Variants in ATP5IF1 observed in about 807,000 individuals in gnomAD.
ATP5IF1 encodes the protein ATP synthase inhibitory factor subunit 1, also known as ATPase inhibitor, mitochondrial.
In ATP5IF1, 12 loss-of-function variants were observed where a neutral mutation model predicts 8.5. The ratio of observed to expected loss-of-function variants is 1.41; its 90% CI spans 0.90 to 2.28. The LOEUF (loss-of-function observed/expected upper bound fraction) is 2.28. ATP5IF1 is among the 30% of genes most tolerant of loss of function. The pLI, the probability that ATP5IF1 is intolerant of heterozygous loss-of-function variation, is 0.00. For missense variants in ATP5IF1, 154 were observed against 140.2 expected (o/e 1.10, Z -0.50); for synonymous variants, 51 against 53.4 (o/e 0.96, Z 0.19).
chr1:28,236,278 G>GC lies in ATP5IF1; in HGVS notation c.87+9dup. ...GGCTTCGGCTCGGATCAGGTACGCT[G>GC]CGGCAGTGTCCGCTGCTCCAGCCCC... On this transcript the variant is annotated intron_variant, in intron 1 of 2. Coordinates refer to ENST00000335514, the MANE Select transcript of ATP5IF1 (RefSeq NM_016311.5). 15 of 1,614,160 alleles carry GC rather than the reference G, an allele frequency of 9.3e-6. No individual in the cohort carries two copies. The highest frequency in any genetic ancestry group is 1.1e-5 in the Non-Finnish European group (13 of 1,180,026).
Position 28,236,593 on chromosome 1 carries a change from A to G in ATP5IF1, c.179+141A>G, listed in dbSNP as rs1039986379. ...CAGAACTCCCGGGCCCCAATCCAGT[A>G]TACCCTAACCCTTGATGTCCCGACC... On this transcript the variant is annotated intron_variant, in intron 2 of 2. Transcript: ENST00000335514. 5.8e-6 allele frequency: 9 copies of G among 1,540,692 alleles called. No homozygotes were observed. In the African/African-American group the frequency reaches 1.2e-4, roughly 21 times the overall value.
At position 28,236,150 on chromosome 1, in the gene ATP5IF1, C is replaced by A. The variant is rs1186364241; in HGVS notation, c.-34C>A. ...GCGCGTAACGAGAGACTGCTTGCTG[C>A]GGCAGAGACGCCAGAGGTGCAGCTC... On this transcript the variant is annotated 5_prime_UTR_variant, in exon 1 of 3. Transcript: ENST00000335514. The A allele has an allele frequency of 2.5e-6, 4 of 1,607,738 alleles. No homozygotes were observed. The highest frequency in any genetic ancestry group is 3.4e-6 in the Non-Finnish European group (4 of 1,179,378).
chr1:28,237,540 T>G, intron 2 of ATP5IF1: 2 of 1,363,486 alleles, frequency 1.5e-6, no homozygotes, highest in South Asian at 1.9e-5. Context: ...TAAAGGGGAG[T>G]CAAGTTCCCT....
In ATP5IF1 at chr1:28,236,219, T is replaced by TGGCGTGTGG. The variant is rs768978902; in HGVS notation, c.43_51dup (p.Trp15_Val17dup). 3.1e-6 allele frequency: 5 copies of TGGCGTGTGG among 1,613,874 alleles called. No individual in the cohort carries two copies. The highest frequency in any genetic ancestry group is 1.1e-5 in the South Asian group (1 of 91,080). On this transcript the variant is annotated inframe_insertion, in exon 1 of 3. Coordinates refer to ENST00000335514, the MANE Select transcript of ATP5IF1 (RefSeq NM_016311.5). ...CGGCGTTGGCGGCGCGGACGTGGCT[T>TGGCGTGTGG]GGCGTGTGGGGCGTGAGGACCATGC...
In ATP5IF1 at chr1:28,236,272, T is replaced by C; in HGVS notation, c.87+2T>C. On this transcript the variant is annotated splice_donor_variant, in intron 1 of 2. Coordinates refer to ENST00000335514, the MANE Select transcript of ATP5IF1 (RefSeq NM_016311.5). LOFTEE classifies it high-confidence loss of function. ...GCCCGAGGCTTCGGCTCGGATCAGG[T>C]ACGCTGCGGCAGTGTCCGCTGCTCC... 1 of 1,614,100 alleles carries C rather than the reference T, an allele frequency of 6.2e-7. No homozygotes were observed. Among genetic ancestry groups the C allele is most frequent in the Non-Finnish European group, 8.5e-7 (1 of 1,180,018 alleles).
intron 2 of ATP5IF1, 173 bp downstream of exon 2, chr1:28,236,625 A>T: frequency 3.3e-6 from 5 of 1,523,722 alleles, no homozygotes; most frequent in Non-Finnish European, 4.4e-6. Context: ...GACCGTTGCC[A>T]CGTATAGGGC....
chr1:28,238,096 G>A lies in ATP5IF1; in HGVS notation c.*118G>A. 1 of 1,095,134 alleles carries A rather than the reference G, an allele frequency of 9.1e-7. No individual in the cohort carries two copies. Among genetic ancestry groups the A allele is most frequent in the East Asian group, 2.5e-5 (1 of 39,670 alleles). The allele number at this position is 1,095,134 out of a possible 1,614,324, so 67.8% of individuals were successfully genotyped here. ...AACAGATTATAATAAATTGTCATCA[G>A]TGAACTGTGTTTGATGCCTTCTTCT... On this transcript the variant is annotated 3_prime_UTR_variant, in exon 3 of 3. Transcript: ENST00000335514.
At chr1:28,237,530 T>C (rs1647049265) in intron 2 of ATP5IF1, 1 of 1,369,870 alleles carries the variant, frequency 7.3e-7, no homozygotes, top group Non-Finnish European at 9.4e-7. Context: ...TTTTTTTCCC[T>C]AAAGGGGAGT....
At position 28,237,890 on chromosome 1, in the gene ATP5IF1, T is replaced by G; in HGVS notation, c.233T>G (p.Ile78Ser). Residue 78 changes from isoleucine (I) to serine (S), a missense_variant, in exon 3 of 3, where the codon ATC becomes AGC. Coordinates refer to ENST00000335514, the MANE Select transcript of ATP5IF1 (RefSeq NM_016311.5). The stretch of plus-strand genomic sequence containing the variant: ...TTGAAAAAACACCATGAAGAAGAAA[T>G]CGTTCATCATAAGAAGGAGATTGAG... ...AALKKHHEEE[I>S]VHHKKEIERL... The G allele has an allele frequency of 2.5e-6, 4 of 1,613,888 alleles. No individual in the cohort carries two copies. Among genetic ancestry groups the G allele is most frequent in the Non-Finnish European group, 3.4e-6 (4 of 1,179,984 alleles).
intron 2 of ATP5IF1, chr1:28,236,895 G>C: frequency 8.9e-7 from 1 of 1,121,690 alleles, no homozygotes; most frequent in Non-Finnish European, 1.1e-6. Flanking sequence ...GCACGCCTTA[G>C]CTTTGCAAGC....
At chr1:28,236,974 T>C in intron 2 of ATP5IF1, 1 of 1,046,024 alleles carries the variant, frequency 9.6e-7, no homozygotes, top group Non-Finnish European at 1.2e-6. Flanking sequence ...TGATGGGAGC[T>C]GGTCATGGGA....
chr1:28,236,187 G>T lies in ATP5IF1; in HGVS notation c.4G>T (p.Ala2Ser). ...CAGAGGTGCAGCTCCAGCAGCAATG[G>T]CAGTGACGGCGTTGGCGGCGCGGAC... is the stretch of plus-strand genomic sequence containing the variant. The part of the protein sequence containing the change: M[A>S]VTALAARTWL... The change falls in exon 1 of 3, where the codon GCA becomes TCA. Residue 2 changes from alanine (A) to serine (S), a missense_variant. Transcript: ENST00000335514. 6.2e-7 allele frequency: 1 copy of T among 1,613,204 alleles called. No individual in the cohort carries two copies.
chr1:28,236,792 T>A, intron 2 of ATP5IF1: 1 of 1,230,278 alleles, frequency 8.1e-7, no homozygotes, highest in South Asian at 1.6e-5. Flanking sequence ...CTTCGCACAG[T>A]GTCTAGATCC....
chr1:28,237,900 TAAG>T lies in ATP5IF1; in HGVS notation c.247_249del (p.Lys83del), dbSNP rs746429737. The stretch of plus-strand genomic sequence containing the variant: ...ACCATGAAGAAGAAATCGTTCATCA[TAAG>T]AAGGAGATTGAGCGTCTGCAGAAAG... On this transcript the variant is annotated inframe_deletion, in exon 3 of 3. Transcript: ENST00000335514. 308 of 1,614,106 alleles carry T rather than the reference TAAG, an allele frequency of 1.9e-4. No homozygotes were observed. The highest frequency in any genetic ancestry group is 2.3e-4 in the Non-Finnish European group (273 of 1,180,030).
At position 28,238,089 on chromosome 1, in the gene ATP5IF1, G is replaced by C. The variant is rs1572079099; in HGVS notation, c.*111G>C. 5.3e-6 allele frequency: 6 copies of C among 1,141,852 alleles called. No individual in the cohort carries two copies. Among genetic ancestry groups the C allele is most frequent in the Non-Finnish European group, 7.3e-6 (6 of 816,916 alleles). 70.7% of individuals were successfully genotyped at this position (1,141,852 alleles called of 1,614,324 possible). A position where few individuals can be genotyped will look rare whatever the true frequency, so the allele number is the denominator to read the frequency against. ...TGCTACTAACAGATTATAATAAATT[G>C]TCATCAGTGAACTGTGTTTGATGCC... is the stretch of plus-strand genomic sequence containing the variant. On this transcript the variant is annotated 3_prime_UTR_variant, in exon 3 of 3. Transcript: ENST00000335514.
rs748588716 is a variant in ATP5IF1 at position 28,236,177 on chromosome 1, A to G, written c.-7A>G. On this transcript the variant is annotated 5_prime_UTR_variant, in exon 1 of 3. Transcript: ENST00000335514. ...GCAGAGACGCCAGAGGTGCAGCTCC[A>G]GCAGCAATGGCAGTGACGGCGTTGG... 6.2e-7 allele frequency: 1 copy of G among 1,612,696 alleles called. No individual in the cohort carries two copies. Among genetic ancestry groups the G allele is most frequent in the Non-Finnish European group, 8.5e-7 (1 of 1,179,920 alleles).
At chr1:28,237,639 C>A in intron 2 of ATP5IF1, 198 bp from the exon 3 acceptor site, 1 of 1,500,002 alleles carries the variant, frequency 6.7e-7, no homozygotes, top group Non-Finnish European at 8.9e-7. Context: ...GCAATAAGCT[C>A]TTTGGTCTTC....
At chr1:28,237,028 C>T (rs1647043391) in intron 2 of ATP5IF1, 1 of 1,017,754 alleles carries the variant, frequency 9.8e-7, no homozygotes, top group Non-Finnish European at 1.2e-6. Flanking sequence ...TTTTGCCCTA[C>T]TCAGCCCAAC....
Position 28,237,986 on chromosome 1 carries a change from C to A in ATP5IF1, c.*8C>A, listed in dbSNP as rs1285796686. 7 of 1,606,236 alleles carry A rather than the reference C, an allele frequency of 4.4e-6. No individual in the cohort carries two copies. Among genetic ancestry groups the A allele is most frequent in the Non-Finnish European group, 4.2e-6 (5 of 1,178,866 alleles). ...CTAAAACATGATGATTAAGTGCACA[C>A]CGTGTGCCATAGAATGGCACATGTC... is the stretch of plus-strand genomic sequence containing the variant. On this transcript the variant is annotated 3_prime_UTR_variant, in exon 3 of 3. Transcript: ENST00000335514.
Sources: allele counts gnomAD v4.1 joint callset, GRCh38; gene constraint gnomAD v4.1.1; transcripts MANE v1.5; gene names NCBI Gene and HGNC (gene_info 2026-07-23, HGNC 2026-07-21).